ESR2: variants seen among roughly 807,000 people sequenced by gnomAD.
ESR2 encodes the protein estrogen receptor 2.
A neutral mutation model predicts 49.6 loss-of-function variants in ESR2; 36 were observed. The observed-to-expected ratio is 0.73, with a 90% CI of 0.56 to 0.96. The LOEUF is 0.96. Ranked by LOEUF, ESR2 falls within the 40% of genes least tolerant of loss-of-function variation. The pLI is 0.00. For missense variants in ESR2, 714 were observed against 693.0 expected (o/e 1.03, Z -0.34); for synonymous variants, 320 against 266.1 (o/e 1.20, Z -1.97).
intron 1 of ESR2, among the ~76,000 whole-genome samples, chr14:64,318,778 C>G (rs2077290589): frequency 6.6e-6 from 1 of 151,726 alleles, no homozygotes; most frequent in Non-Finnish European, 1.5e-5. Flanking sequence ...TGTTGTGGTT[C>G]ATGCCTGTAA....
intron 1 of ESR2, among the ~76,000 whole-genome samples, chr14:64,304,665 T>A (rs1468322595): frequency 6.6e-6 from 1 of 152,116 alleles, no homozygotes; most frequent in Non-Finnish European, 1.5e-5. Flanking sequence ...AGTCAGGAGT[T>A]TGAGATCAGC....
chr14:64,252,534 G>A (rs1052744455), intron 6 of ESR2, among the ~76,000 whole-genome samples: 4 of 152,098 alleles, frequency 2.6e-5, no homozygotes, highest in Non-Finnish European at 5.9e-5. Context: ...GAAGAAAAAA[G>A]GTTTAACTGA....
chr14:64,328,755 A>T (rs1380888518), intron 1 of ESR2, among the ~76,000 whole-genome samples: 3 of 152,190 alleles, frequency 2.0e-5, no homozygotes, highest in Admixed American at 2.0e-4. Context: ...AGGGAAGCTA[A>T]TTTTTCCATT....
intron 1 of ESR2, among the ~76,000 whole-genome samples, chr14:64,299,529 T>C (rs1331700547): frequency 6.6e-6 from 1 of 152,026 alleles, no homozygotes; most frequent in African/African-American, 2.4e-5. Context: ...CCGGCTAATT[T>C]TTTTGTATTT....
At chr14:64,260,799 A>G (rs552612788) in intron 4 of ESR2, 51 bp from the exon 5 acceptor site, 9 of 1,412,448 alleles carry the variant, frequency 6.4e-6, no homozygotes, top group Non-Finnish European at 8.3e-6. Context: ...ACCGCAGTCA[A>G]GCAAAAGCAG....
chr14:64,281,758 T>C (rs1055521716), intron 2 of ESR2, among the ~76,000 whole-genome samples: 1 of 152,244 alleles, frequency 6.6e-6, no homozygotes, highest in African/African-American at 2.4e-5. Flanking sequence ...AGTACACATA[T>C]CCTTTTTAAC....
At chr14:64,300,649 G>A (rs962030055) in intron 1 of ESR2, among the ~76,000 whole-genome samples, 3 of 152,018 alleles carry the variant, frequency 2.0e-5, no homozygotes, top group Non-Finnish European at 2.9e-5. Context: ...CCAGCTACTC[G>A]GGAGGCTGAG....
chr14:64,240,415 C>T (rs138198211), intron 7 of ESR2, among the ~76,000 whole-genome samples: 16 of 152,352 alleles, frequency 1.1e-4, no homozygotes, highest in Non-Finnish European at 2.2e-4. Flanking sequence ...TGACCCTTAT[C>T]CTCCAGGGCC....
Position 64,260,568 on chromosome 14 carries a change from G to T in ESR2, c.833C>A (p.Pro278His). The T allele has an allele frequency of 1.9e-6, 3 of 1,600,702 alleles. No individual in the cohort carries two copies. The highest frequency in any genetic ancestry group is 2.6e-6 in the Non-Finnish European group (3 of 1,172,628). ...LVLTLLEAEP[P>H]HVLISRPSAP... is the part of the protein sequence containing the mutation. ...ACTGGGGCGGCTGATCAGCACATGG[G>T]GCGGCTCAGCCTCCAGGAGGGTGAG... The change falls in exon 5 of 9, where the codon CCC (proline) becomes CAC (histidine). Residue 278 changes from proline (P) to histidine (H), a missense_variant. Pro to His is a moderately conservative substitution (Grantham distance 77). Coordinates refer to ENST00000341099, the MANE Select transcript of ESR2 (RefSeq NM_001437.3).
chr14:64,278,709 GAGA>G (rs1596447640), intron 3 of ESR2, among the ~76,000 whole-genome samples: 1 of 152,196 alleles, frequency 6.6e-6, no homozygotes, highest in Non-Finnish European at 1.5e-5. Flanking sequence ...GCTGGTACGA[GAGA>G]AGGAGTGTAG....
chr14:64,304,709 A>T (rs2077067536), intron 1 of ESR2, among the ~76,000 whole-genome samples: 1 of 151,934 alleles, frequency 6.6e-6, no homozygotes, highest in African/African-American at 2.4e-5. Context: ...TCTCTGCAAA[A>T]AAAAAATCTT....
At chr14:64,250,554 C>T (rs776361265) in intron 6 of ESR2, among the ~76,000 whole-genome samples, 1 of 152,206 alleles carries the variant, frequency 6.6e-6, no homozygotes, top group Non-Finnish European at 1.5e-5. Context: ...TATTGGAAGT[C>T]CTTGACAAGC....
intron 1 of ESR2, among the ~76,000 whole-genome samples, chr14:64,288,385 G>A (rs1441784486): frequency 1.5e-5 from 2 of 135,676 alleles, no homozygotes; most frequent in Non-Finnish European, 3.1e-5. Flanking sequence ...GTCTTGCTCT[G>A]TTGCCCAGGC....
intron 1 of ESR2, among the ~76,000 whole-genome samples, chr14:64,310,286 A>AATAATAATAAT (rs2077170107): frequency 7.0e-6 from 1 of 142,468 alleles, no homozygotes; most frequent in Non-Finnish European, 1.5e-5. Context: ...TCGTCTCAAA[A>AATAATAATAAT]AATAATAATA....
intron 1 of ESR2, among the ~76,000 whole-genome samples, chr14:64,310,030 G>A (rs906310906): frequency 2.0e-5 from 3 of 152,054 alleles, no homozygotes; most frequent in African/African-American, 4.8e-5. Flanking sequence ...AGTTTGCAGT[G>A]AGCCGAGATC....
rs1431531046 is a variant in ESR2 at position 64,282,837 on chromosome 14, C to G, written c.149G>C (p.Ser50Thr). 1 of 1,614,182 alleles carries G rather than the reference C, an allele frequency of 6.2e-7. No individual in the cohort carries two copies. The highest frequency in any genetic ancestry group is 1.1e-5 in the South Asian group (1 of 91,088). ...HHEYPAMTFYSPAVMNYSIPS... is the reference protein window; with the variant it reads ...HHEYPAMTFYTPAVMNYSIPS... ...AATGCTGTAATTCATCACAGCAGGG[C>G]TATAGAATGTCATGGCTGGATATTC... Residue 50 changes from serine (S) to threonine (T), a missense_variant, in exon 2 of 9, where the codon AGC becomes ACC. Ser to Thr is a moderately conservative substitution (Grantham distance 58). Transcript: ENST00000341099.
intron 3 of ESR2, among the ~76,000 whole-genome samples, chr14:64,278,953 A>C (rs74751413): frequency 6.6e-6 from 1 of 152,340 alleles, no homozygotes; most frequent in East Asian, 1.9e-4. Flanking sequence ...AATCACTGAT[A>C]GAACAGACCC....
intron 1 of ESR2, among the ~76,000 whole-genome samples, chr14:64,325,178 C>T (rs897467587): frequency 2.6e-5 from 4 of 152,210 alleles, no homozygotes; most frequent in African/African-American, 9.6e-5. Flanking sequence ...ATTTTAACCA[C>T]ATGCAAAATC....
chr14:64,227,150 C>G (rs1236436123), downstream of ESR2: 4 of 227,426 alleles, frequency 1.8e-5, no homozygotes, highest in Non-Finnish European at 3.4e-5. Context: ...CATCTGTTGG[C>G]AGGCACAGCT....
Sources: allele counts gnomAD v4.1 joint callset (sites outside exome capture counted in the v4.1 genomes callset), GRCh38; gene constraint gnomAD v4.1.1; transcripts MANE v1.5; gene names NCBI Gene and HGNC (gene_info 2026-07-23, HGNC 2026-07-21).